The following BIRC6 variants were observed in gnomAD, a reference collection of about 807,000 sequenced individuals.
BIRC6 encodes the protein dual E2 ubiquitin-conjugating enzyme/E3 ubiquitin-protein ligase BIRC6.
BIRC6 carries 98 observed loss-of-function variants against 503.3 expected under a neutral mutation model. The observed-to-expected ratio is 0.19, with a 90% CI of 0.17 to 0.23. The LOEUF is 0.23. BIRC6 is among the 10% of genes least tolerant of loss of function. The probability of loss-of-function intolerance (pLI) is 1.00; values close to 1 mark genes in which losing one functional copy is unlikely to be tolerated. For synonymous variants in BIRC6, 2,240 were observed against 2,078.7 expected (o/e 1.08, Z -2.11); for missense variants, 5,360 against 5,806.0 (o/e 0.92, Z 2.50).
intron 10 of BIRC6, among the ~76,000 whole-genome samples, chr2:32,417,806 A>T (rs2042536778): frequency 6.6e-6 from 1 of 152,150 alleles, no homozygotes; most frequent in Non-Finnish European, 1.5e-5. Flanking sequence ...TTTGAGACAG[A>T]GTCTCACCCT....
At chr2:32,521,450 T>C (rs1260104693) in intron 57 of BIRC6, among the ~76,000 whole-genome samples, 1 of 150,378 alleles carries the variant, frequency 6.6e-6, no homozygotes, top group Non-Finnish European at 1.5e-5. Flanking sequence ...CTATTATTTT[T>C]TCTCTCTCTC....
At chr2:32,535,928 TA>T (rs1402923427) in intron 61 of BIRC6, among the ~76,000 whole-genome samples, 2 of 152,212 alleles carry the variant, frequency 1.3e-5, no homozygotes, top group Non-Finnish European at 2.9e-5. Context: ...ACCAACGGTG[TA>T]AAAGTGTTCC....
chr2:32,366,367 G>A (rs2034928787), intron 1 of BIRC6, among the ~76,000 whole-genome samples: 1 of 151,958 alleles, frequency 6.6e-6, no homozygotes, highest in African/African-American at 2.4e-5. Context: ...TGTTCTTTTT[G>A]TCTTTTTGGA....
intron 65 of BIRC6, chr2:32,564,646 C>A (rs1246533444): frequency 6.6e-6 from 1 of 152,156 alleles, no homozygotes; most frequent in Non-Finnish European, 1.5e-5. Flanking sequence ...CTATCCTTTC[C>A]AGAGAAATAT....
At chr2:32,583,144 T>C (rs115387679) in intron 66 of BIRC6, among the ~76,000 whole-genome samples, 2,847 of 152,308 alleles carry the variant, frequency 0.019, 44 homozygotes, top group Middle Eastern at 0.034. Flanking sequence ...GTTAATTTCA[T>C]CTTTTCTGAC....
At position 32,575,491 on chromosome 2, in the gene BIRC6, G is replaced by T. The variant is rs984450327; in HGVS notation, c.13355+125G>T. On this transcript the variant is annotated intron_variant, in intron 66 of 73. Transcript: ENST00000421745. Reference sequence around the variant, plus strand: ...AAAGCATATACACCCTCGGCTGGGTGCGGTGGCTCACACCTGTAATCCCAG... The same window carrying T: ...AAAGCATATACACCCTCGGCTGGGTTCGGTGGCTCACACCTGTAATCCCAG... 1.5e-5 allele frequency: 13 copies of T among 852,848 alleles called. No individual in the cohort carries two copies. The African/African-American group carries it at 2.2e-4, about 14-fold the overall frequency. The allele number at this position is 852,848 out of a possible 1,614,324, so 52.8% of individuals were successfully genotyped here.
intron 1 of BIRC6, among the ~76,000 whole-genome samples, chr2:32,369,200 C>T (rs1469363869): frequency 6.6e-6 from 1 of 152,024 alleles, no homozygotes; most frequent in Non-Finnish European, 1.5e-5. Flanking sequence ...GGATGGAATT[C>T]GAGTTGGGCT....
chr2:32,567,249 C>G (rs756878255), intron 65 of BIRC6, among the ~76,000 whole-genome samples: 2 of 152,216 alleles, frequency 1.3e-5, no homozygotes, highest in Non-Finnish European at 2.9e-5. Context: ...GGATTACAGG[C>G]GTGAGCCACC....
intron 45 of BIRC6, among the ~76,000 whole-genome samples, chr2:32,495,742 A>G (rs777635701): frequency 1.4e-5 from 2 of 140,172 alleles, no homozygotes; most frequent in Non-Finnish European, 3.1e-5. Context: ...AAATTTTACA[A>G]TTTTATGTTT....
At chr2:32,377,196 T>C (rs1425047846) in intron 1 of BIRC6, among the ~76,000 whole-genome samples, 1 of 151,010 alleles carries the variant, frequency 6.6e-6, no homozygotes, top group South Asian at 2.1e-4. Context: ...CATTTGCTTA[T>C]TATTCCCTTA....
chr2:32,460,560 A>G (rs766349145), intron 23 of BIRC6, among the ~76,000 whole-genome samples: 2 of 151,882 alleles, frequency 1.3e-5, no homozygotes, highest in Non-Finnish European at 2.9e-5. Flanking sequence ...TGCAGGCATC[A>G]GGCACCATGC....
chr2:32,493,567 C>A lies in BIRC6; in HGVS notation c.8368C>A (p.Gln2790Lys). 6.2e-7 allele frequency: 1 copy of A among 1,610,622 alleles called. No homozygotes were observed. Among genetic ancestry groups the A allele is most frequent in the Non-Finnish European group, 8.5e-7 (1 of 1,177,708 alleles). ...TGGTCCTACAGCTACACAAGCTATG[C>A]AAGAATTTCTTACTCGATTACAAGT... Reference protein sequence around the residue: ...QVGPTATQAMQEFLTRLQVHL... With the variant: ...QVGPTATQAMKEFLTRLQVHL... Residue 2790 changes from glutamine (Q) to lysine (K), a missense_variant, in exon 45 of 74, where the codon CAA (glutamine) becomes AAA (lysine). By Grantham distance (53) the Gln-to-Lys change is moderately conservative (BLOSUM62 1). This residue lies in a region of BIRC6 where 2,299 missense variants were observed against 2,267.2 expected (regional missense o/e 1.01). Coordinates refer to ENST00000421745, the MANE Select transcript of BIRC6 (RefSeq NM_016252.4).
intron 66 of BIRC6, among the ~76,000 whole-genome samples, chr2:32,579,762 A>G (rs1236608802): frequency 3.3e-5 from 5 of 152,116 alleles, no homozygotes; most frequent in South Asian, 2.1e-4. Flanking sequence ...ACATTTATCT[A>G]ATTTGTAACA....
intron 9 of BIRC6, among the ~76,000 whole-genome samples, chr2:32,411,417 ATT>A (rs977037711): frequency 1.6e-5 from 2 of 122,120 alleles, no homozygotes; most frequent in East Asian, 2.5e-4. Flanking sequence ...ATATATATAT[ATT>A]TTATTTTTTT....
At chr2:32,476,074 T>C in intron 33 of BIRC6, 139 bp from the exon 34 acceptor site, 2 of 607,718 alleles carry the variant, frequency 3.3e-6, no homozygotes, top group South Asian at 5.7e-5. Flanking sequence ...TAAAAAATTA[T>C]CATCACAGTT....
At chr2:32,447,225 A>C (rs2046091166) in intron 21 of BIRC6, among the ~76,000 whole-genome samples, 1 of 148,110 alleles carries the variant, frequency 6.8e-6, no homozygotes, top group Non-Finnish European at 1.5e-5. Flanking sequence ...TATTCCACAA[A>C]ACCGCCATTG....
chr2:32,390,002 G>A (rs1274220702), intron 4 of BIRC6, among the ~76,000 whole-genome samples: 2 of 151,746 alleles, frequency 1.3e-5, no homozygotes. Flanking sequence ...TGGGATTACA[G>A]ACATGTGCCA....
chr2:32,597,765 G>C lies in BIRC6; in HGVS notation c.13627G>C (p.Val4543Leu). ...TCTCCTTTTAGATACGTTTGAAATG[G>C]TTTCTGAAGATGAAGATGGGAAATT... ...KKLQFDTFEM[V>L]SEDEDGKLGF... Residue 4543 changes from valine (V) to leucine (L), a missense_variant, in exon 69 of 74, where the codon GTT becomes CTT. Val to Leu is a conservative substitution (Grantham distance 32, BLOSUM62 1). Around this residue, in one of 16 missense-constraint regions of BIRC6, gnomAD observed 477 missense variants for 574.4 expected, o/e 0.83. Transcript: ENST00000421745. The C allele has an allele frequency of 6.2e-7, 1 of 1,611,828 alleles. No individual in the cohort carries two copies. Among genetic ancestry groups the C allele is most frequent in the Non-Finnish European group, 8.5e-7 (1 of 1,178,080 alleles).
intron 23 of BIRC6, among the ~76,000 whole-genome samples, chr2:32,458,177 A>G (rs2047449775): frequency 6.6e-6 from 1 of 152,062 alleles, no homozygotes; most frequent in Non-Finnish European, 1.5e-5. Flanking sequence ...TTTAAAGGTC[A>G]TTTCTCAAAC....
Sources: gnomAD v4.1 joint callset for allele counts (sites outside exome capture counted in the v4.1 genomes callset) on GRCh38, gnomAD v4.1.1 for gene constraint, gnomAD v4.1.1 regional missense constraint, MANE v1.5 for transcripts, NCBI Gene and HGNC (gene_info 2026-07-23, HGNC 2026-07-21) for gene names.